Variants in CBL observed in about 807,000 individuals in gnomAD.
CBL encodes the protein Cbl proto-oncogene, also known as E3 ubiquitin-protein ligase CBL.
In CBL, 45 loss-of-function variants were observed where a neutral mutation model predicts 96.9. The observed-to-expected ratio is 0.46, with a 90% CI of 0.37 to 0.60. CBL has a LOEUF of 0.60. Ranked by LOEUF, CBL falls within the 20% of genes least tolerant of loss-of-function variation. CBL has a pLI of 0.00. For synonymous variants in CBL, 420 were observed against 426.8 expected (o/e 0.98, Z 0.20); for missense variants, 1,024 against 1,143.5 (o/e 0.90, Z 1.51).
rs766253493 is a variant in CBL, at chr11:119,298,515, G to A, written c.2409G>A (p.Leu803=). 1 of 1,614,204 alleles carries A rather than the reference G, an allele frequency of 6.2e-7. No homozygotes were observed. The highest frequency in any genetic ancestry group is 2.2e-5 in the East Asian group (1 of 44,886). ...ISNASSSFGW[L]SLDGDPTTNV... ...ATGCCAGCTCCTCCTTTGGCTGGTT[G>A]TCTCTGGATGGTGATCCTACAACAA... Residue 803 remains leucine (L), a synonymous_variant, in exon 15 of 16, where the codon TTG becomes TTA. Transcript: ENST00000264033.
intron 1 of CBL, among the ~76,000 whole-genome samples, chr11:119,224,665 A>G (rs1228904591): frequency 2.0e-5 from 3 of 152,068 alleles, no homozygotes; most frequent in Non-Finnish European, 4.4e-5. Flanking sequence ...ACCTTGGCTC[A>G]CTGCAACCTC....
chr11:119,290,397 G>A (rs1375820528), intron 12 of CBL, among the ~76,000 whole-genome samples: 2 of 149,200 alleles, frequency 1.3e-5, no homozygotes, highest in African/African-American at 4.9e-5. Context: ...GCTCACACCT[G>A]TAATCCCAGC....
At chr11:119,266,032 A>AAAAAAAAG (rs1213584463) in intron 2 of CBL, among the ~76,000 whole-genome samples, 30 of 148,924 alleles carry the variant, frequency 2.0e-4, no homozygotes, top group Middle Eastern at 3.4e-3. Flanking sequence ...AAAAAAAAAA[A>AAAAAAAAG]AAAGAAAGAA....
intron 8 of CBL, 53 bp downstream of exon 8, chr11:119,278,350 C>A (rs941291175): frequency 1.2e-6 from 2 of 1,602,884 alleles, no homozygotes; most frequent in Admixed American, 3.3e-5. Flanking sequence ...TTGGAAAATT[C>A]GGTATTATAT....
intron 1 of CBL, among the ~76,000 whole-genome samples, chr11:119,210,065 G>GA (rs1428965759): frequency 5.3e-5 from 8 of 152,096 alleles, no homozygotes; most frequent in Non-Finnish European, 7.4e-5. Flanking sequence ...GAAGTGGAGA[G>GA]AAAAGAGAAA....
chr11:119,297,186 T>A lies in CBL; in HGVS notation c.2153+152T>A, dbSNP rs750082999. The A allele has an allele frequency of 7.6e-4, 571 of 756,252 alleles. 4 individuals are homozygous for A. Among genetic ancestry groups the A allele is most frequent in the Non-Finnish European group, 2.5e-4 (103 of 419,444 alleles). The allele number at this position is 756,252 out of a possible 1,614,324, so 46.8% of individuals were successfully genotyped here. Reference sequence around the variant, plus strand: ...ATCTAGCCCTTAATGGTTTAAGCCTTTTGTAGCTGTAGGTAATTACACTTA... The same window carrying A: ...ATCTAGCCCTTAATGGTTTAAGCCTATTGTAGCTGTAGGTAATTACACTTA... On this transcript the variant is annotated intron_variant, in intron 13 of 15. Coordinates refer to ENST00000264033, the MANE Select transcript of CBL (RefSeq NM_005188.4).
chr11:119,223,055 C>T (rs1430974876), intron 1 of CBL, among the ~76,000 whole-genome samples: 1 of 151,944 alleles, frequency 6.6e-6, no homozygotes, highest in Non-Finnish European at 1.5e-5. Flanking sequence ...TGGCGTGTAC[C>T]TGTAGTCCCG....
chr11:119,298,225 ACAGTAGACAAT>A (rs1950076729), intron 14 of CBL, 122 bp from the exon 15 acceptor site: 19 of 819,980 alleles, frequency 2.3e-5, no homozygotes, highest in Non-Finnish European at 3.8e-5. Context: ...TGTTTGGCCC[ACAGTAGACAAT>A]CAGTAACTGT....
intron 2 of CBL, among the ~76,000 whole-genome samples, chr11:119,265,713 C>T (rs1345660467): frequency 6.6e-6 from 1 of 151,894 alleles, no homozygotes; most frequent in African/African-American, 2.4e-5. Context: ...ATGGTGAAAC[C>T]CTGTCTCTAC....
At chr11:119,290,788 G>T (rs1950021456) in intron 12 of CBL, among the ~76,000 whole-genome samples, 1 of 151,446 alleles carries the variant, frequency 6.6e-6, no homozygotes, top group Non-Finnish European at 1.5e-5. Flanking sequence ...CGAATCTCCT[G>T]ACTCAGCCTC....
chr11:119,274,681 T>C (rs1949874730), intron 4 of CBL, 151 bp from the exon 5 acceptor site: 2 of 732,792 alleles, frequency 2.7e-6, no homozygotes, highest in East Asian at 2.5e-5. Context: ...TTTAATCTCC[T>C]GAACACATGT....
At position 119,245,827 on chromosome 11, in the gene CBL, A is replaced by G. The variant is rs1949623693; in HGVS notation, c.443+13132A>G. ...GTCACCATGCCTGGCTAATTTTTAA[A>G]TTTTTTTGTGGAGATGGGATCTCAC... On this transcript the variant is annotated intron_variant, in intron 2 of 15. Coordinates refer to ENST00000264033, the MANE Select transcript of CBL (RefSeq NM_005188.4). Among the ~76,000 whole-genome samples, 2 of 151,852 alleles carry G rather than the reference A, an allele frequency of 1.3e-5. 1 individual carries two copies. Among genetic ancestry groups the G allele is most frequent in the Admixed American group, 1.3e-4 (2 of 15,224 alleles).
Position 119,288,236 on chromosome 11 carries a change from T to A in CBL, c.2036+290T>A, listed in dbSNP as rs118163166. Among the ~76,000 whole-genome samples, 36 of 152,154 alleles carry A rather than the reference T, an allele frequency of 2.4e-4. No homozygotes were observed. In the East Asian group the frequency reaches 6.9e-3, roughly 29 times the overall value. On this transcript the variant is annotated intron_variant, in intron 12 of 15. Transcript: ENST00000264033. ...GCTCTGCGCTCTTTATTCTTCCAGC[T>A]TTCTTTAAGTTTAATTTGCTGTTTT...
chr11:119,252,053 T>C (rs1949673185), intron 2 of CBL, among the ~76,000 whole-genome samples: 1 of 152,170 alleles, frequency 6.6e-6, no homozygotes, highest in South Asian at 2.1e-4. Flanking sequence ...TAGTTTTTTT[T>C]ACTCTTATTT....
intron 12 of CBL, among the ~76,000 whole-genome samples, chr11:119,293,800 A>G (rs1591268285): frequency 6.6e-6 from 1 of 152,214 alleles, no homozygotes; most frequent in African/African-American, 2.4e-5. Flanking sequence ...GTTGAAAAGC[A>G]TGGCGCTGGC....
At chr11:119,208,717 C>A (rs1949294465) in intron 1 of CBL, among the ~76,000 whole-genome samples, 1 of 152,092 alleles carries the variant, frequency 6.6e-6, no homozygotes, top group Non-Finnish European at 1.5e-5. Context: ...TAAGAGTATT[C>A]TGTATTCTTA....
Position 119,285,219 on chromosome 11 carries a change from C to T in CBL, c.1594C>T (p.Pro532Ser), listed in dbSNP as rs774743605. The change falls in exon 11 of 16, where the codon CCA becomes TCA. Residue 532 changes from proline to serine, a missense_variant. Physicochemically the swap from Pro to Ser is moderately conservative, Grantham distance 74. This residue lies in a region of CBL where 695 missense variants were observed against 661.6 expected (regional missense o/e 1.05). Transcript: ENST00000264033. ...AASGSLHKDK[P>S]LPVPPTLRDL... Reference sequence around the variant, plus strand: ...TTCTGGCTCCCTTCATAAAGACAAACCATTGCCAGTACCTCCCACACTTCG... The same window carrying T: ...TTCTGGCTCCCTTCATAAAGACAAATCATTGCCAGTACCTCCCACACTTCG... 1 of 1,614,206 alleles carries T rather than the reference C, an allele frequency of 6.2e-7. No homozygotes were observed. Among genetic ancestry groups the T allele is most frequent in the South Asian group, 1.1e-5 (1 of 91,086 alleles).
chr11:119,277,115 T>C (rs1949894571), intron 6 of CBL, among the ~76,000 whole-genome samples: 1 of 151,768 alleles, frequency 6.6e-6, no homozygotes, highest in Non-Finnish European at 1.5e-5. Flanking sequence ...GACGTGGTGG[T>C]GGGTGCCTGT....
intron 2 of CBL, among the ~76,000 whole-genome samples, chr11:119,233,098 A>G (rs1230398370): frequency 6.6e-6 from 1 of 152,178 alleles, no homozygotes; most frequent in Non-Finnish European, 1.5e-5. Flanking sequence ...ATAATAGGGG[A>G]AAAAGCCACT....
Sources: gnomAD v4.1 joint callset for allele counts (sites outside exome capture counted in the v4.1 genomes callset) on GRCh38, gnomAD v4.1.1 for gene constraint, gnomAD v4.1.1 regional missense constraint, MANE v1.5 for transcripts, NCBI Gene and HGNC (gene_info 2026-07-23, HGNC 2026-07-21) for gene names.